The following FTO variants were observed in gnomAD, a reference collection of about 807,000 sequenced individuals.
The protein encoded by FTO is FTO alpha-ketoglutarate dependent dioxygenase.
In FTO, 47 loss-of-function variants were observed where a neutral mutation model predicts 63.9. The ratio of observed to expected loss-of-function variants is 0.74; its 90% confidence interval spans 0.58 to 0.94. The LOEUF is 0.94. Among genes scored for constraint, FTO ranks in the 40% least tolerant of loss-of-function variants. The probability of loss-of-function intolerance (pLI) is 0.00; values close to 1 mark genes in which losing one functional copy is unlikely to be tolerated. For synonymous variants in FTO, 207 were observed against 224.4 expected (o/e 0.92, Z 0.69); for missense variants, 562 against 618.1 (o/e 0.91, Z 0.96).
At chr16:53,970,771 A>C (rs1292608951) in intron 8 of FTO, among the ~76,000 whole-genome samples, 4 of 152,116 alleles carry the variant, frequency 2.6e-5, no homozygotes, top group African/African-American at 9.7e-5. Context: ...GAAAGCCGCC[A>C]GTGTGACACT....
chr16:53,970,706 C>G (rs2083298382), intron 8 of FTO, among the ~76,000 whole-genome samples: 2 of 151,874 alleles, frequency 1.3e-5, no homozygotes, highest in South Asian at 2.1e-4. Flanking sequence ...CAACTCCAAA[C>G]AGTTATTACC....
intron 8 of FTO, among the ~76,000 whole-genome samples, chr16:54,007,051 G>T (rs1352246064): frequency 6.6e-6 from 1 of 152,118 alleles, no homozygotes; most frequent in Non-Finnish European, 1.5e-5. Flanking sequence ...AAATAAAAAG[G>T]TATTTTAAAA....
intron 1 of FTO, among the ~76,000 whole-genome samples, chr16:53,761,688 A>G (rs2077074918): frequency 6.6e-6 from 1 of 152,144 alleles, no homozygotes; most frequent in Admixed American, 6.6e-5. Flanking sequence ...ACTCCTGCTC[A>G]GTTTAGCAAA....
At chr16:53,720,070 T>C (rs60702264) in intron 1 of FTO, among the ~76,000 whole-genome samples, 2,143 of 152,222 alleles carry the variant, frequency 0.014, 28 homozygotes, top group Middle Eastern at 0.075. Flanking sequence ...TAGCCTGCTA[T>C]AGTTAGTGGA....
chr16:53,835,372 A>G (rs577278677), intron 3 of FTO, among the ~76,000 whole-genome samples: 2 of 152,280 alleles, frequency 1.3e-5, no homozygotes, highest in South Asian at 4.1e-4. Context: ...AGCATGTCCT[A>G]CAATGTTTTC....
At chr16:53,821,766 A>G (rs901392079) in intron 2 of FTO, among the ~76,000 whole-genome samples, 1 of 152,218 alleles carries the variant, frequency 6.6e-6, no homozygotes, top group Non-Finnish European at 1.5e-5. Flanking sequence ...CATGTCTTCT[A>G]TAATATCTCC....
intron 7 of FTO, among the ~76,000 whole-genome samples, chr16:53,931,904 A>ACACACG (rs1555495390): frequency 4.0e-4 from 60 of 151,384 alleles, no homozygotes; most frequent in African/African-American, 1.3e-3. Flanking sequence ...ACACACACAC[A>ACACACG]CACGCACATA....
intron 6 of FTO, among the ~76,000 whole-genome samples, chr16:53,880,346 T>C (rs1231271830): frequency 1.3e-5 from 2 of 152,182 alleles, no homozygotes; most frequent in East Asian, 3.8e-4. Flanking sequence ...ACTTGCAAGC[T>C]AACAAGTTAA....
At chr16:53,766,788 G>A (rs1289879653) in intron 1 of FTO, among the ~76,000 whole-genome samples, 1 of 152,162 alleles carries the variant, frequency 6.6e-6, no homozygotes, top group Non-Finnish European at 1.5e-5. Context: ...AGGTTGTAAT[G>A]AAGTTTTAGG....
chr16:53,899,754 C>T (rs975863088), intron 7 of FTO, among the ~76,000 whole-genome samples: 7 of 151,876 alleles, frequency 4.6e-5, no homozygotes, highest in Admixed American at 6.6e-5. Context: ...CTTTGGGGGA[C>T]GGGAATAGGG....
At chr16:53,891,127 AT>A (rs2151909997) in intron 7 of FTO, among the ~76,000 whole-genome samples, 1 of 151,794 alleles carries the variant, frequency 6.6e-6, no homozygotes, top group African/African-American at 2.4e-5. Flanking sequence ...AGTAGCTGGG[AT>A]AACAGGGGCC....
intron 8 of FTO, among the ~76,000 whole-genome samples, chr16:54,006,633 A>G (rs576700353): frequency 6.6e-6 from 1 of 152,338 alleles, no homozygotes; most frequent in Non-Finnish European, 1.5e-5. Flanking sequence ...AATTGCACCA[A>G]CCACAGTTTC....
chr16:53,948,108 G>C (rs1028560514), intron 8 of FTO, among the ~76,000 whole-genome samples: 1 of 152,164 alleles, frequency 6.6e-6, no homozygotes, highest in Admixed American at 6.5e-5. Context: ...ATTTCTCCTT[G>C]TGTGTTTCTG....
intron 1 of FTO, among the ~76,000 whole-genome samples, chr16:53,742,825 G>A (rs538162963): frequency 2.0e-5 from 3 of 152,258 alleles, no homozygotes; most frequent in South Asian, 2.1e-4. Flanking sequence ...TTGAAGGAGC[G>A]CTTTCCACTA....
intron 8 of FTO, among the ~76,000 whole-genome samples, chr16:54,008,980 C>G (rs192841951): frequency 4.7e-5 from 7 of 148,448 alleles, no homozygotes; most frequent in Non-Finnish European, 8.9e-5. Context: ...CCTTTGCACT[C>G]CAGCCTGAGT....
chr16:53,930,347 C>T (rs942077156), intron 7 of FTO, among the ~76,000 whole-genome samples: 12 of 150,690 alleles, frequency 8.0e-5, no homozygotes, highest in Middle Eastern at 3.4e-3. Flanking sequence ...CCTCAGCCTC[C>T]TGAGTAGCTG....
At chr16:53,979,543 GT>G in intron 8 of FTO, 1 of 360,854 alleles carries the variant, frequency 2.8e-6, no homozygotes, top group Non-Finnish European at 4.8e-6. Context: ...GGCTGTGTGT[GT>G]GTGTGTGTGT....
At chr16:54,082,537 A>G (rs2086174372) in intron 8 of FTO, among the ~76,000 whole-genome samples, 1 of 152,192 alleles carries the variant, frequency 6.6e-6, no homozygotes, top group African/African-American at 2.4e-5. Flanking sequence ...CGCATGCTCC[A>G]TGACTTTTAT....
chr16:53,737,804 A>G (rs17805308), intron 1 of FTO, among the ~76,000 whole-genome samples: 3,538 of 152,254 alleles, frequency 0.023, 58 homozygotes, highest in Non-Finnish European at 0.036. Flanking sequence ...CCAATTAAAG[A>G]TGACTAGTCT....
Sources: gnomAD v4.1 joint callset for allele counts (sites outside exome capture counted in the v4.1 genomes callset) on GRCh38, gnomAD v4.1.1 for gene constraint, MANE v1.5 for transcripts, NCBI Gene and HGNC (gene_info 2026-07-23, HGNC 2026-07-21) for gene names.